Variants in CNTN6 observed in about 807,000 individuals in gnomAD.
CNTN6 encodes the protein contactin-6.
CNTN6 carries 137 observed loss-of-function variants against 122.8 expected under a neutral mutation model. The ratio of observed to expected loss-of-function variants is 1.12; its 90% CI spans 0.97 to 1.29. CNTN6 has a LOEUF of 1.29. CNTN6 is among the 50% of genes most tolerant of loss of function. The pLI is 0.00. For missense variants in CNTN6, 1,634 were observed against 1,223.4 expected (o/e 1.34, Z -5.01); for synonymous variants, 570 against 426.0 (o/e 1.34, Z -4.16).
intron 16 of CNTN6, among the ~76,000 whole-genome samples, chr3:1,374,602 G>T (rs1575935208): frequency 6.6e-6 from 1 of 151,998 alleles, no homozygotes; most frequent in Admixed American, 6.6e-5. Context: ...ACAGCAGAAC[G>T]CAAGAACCTG....
chr3:1,201,239 CTGGGATTACAGGAG>C, intron 2 of CNTN6, among the ~76,000 whole-genome samples: 1 of 152,082 alleles, frequency 6.6e-6, no homozygotes, highest in Non-Finnish European at 1.5e-5. Flanking sequence ...TCCCAAAGTG[CTGGGATTACAGGAG>C]TAAGCCGCCA....
intron 4 of CNTN6, among the ~76,000 whole-genome samples, chr3:1,264,146 T>G (rs1160230822): frequency 6.6e-6 from 1 of 152,058 alleles, no homozygotes; most frequent in Non-Finnish European, 1.5e-5. Flanking sequence ...CTATTTAAAG[T>G]CATCTTTATT....
chr3:1,257,182 C>G (rs1242059536), intron 4 of CNTN6, among the ~76,000 whole-genome samples: 1 of 151,968 alleles, frequency 6.6e-6, no homozygotes, highest in Non-Finnish European at 1.5e-5. Context: ...TGTAAATTTC[C>G]TAAATTGGGT....
At chr3:1,360,602 ATT>A (rs111539311) in intron 12 of CNTN6, among the ~76,000 whole-genome samples, 1 of 151,246 alleles carries the variant, frequency 6.6e-6, no homozygotes, top group Admixed American at 6.6e-5. Context: ...GTATACACGT[ATT>A]TTTTTTCTTT....
chr3:1,206,141 A>T (rs956302467), intron 2 of CNTN6, among the ~76,000 whole-genome samples: 1 of 152,084 alleles, frequency 6.6e-6, no homozygotes, highest in African/African-American at 2.4e-5. Flanking sequence ...AAATTTTCGC[A>T]AGTTTTCCTG....
At chr3:1,342,047 A>G (rs1421097413) in intron 11 of CNTN6, among the ~76,000 whole-genome samples, 3 of 152,136 alleles carry the variant, frequency 2.0e-5, no homozygotes, top group African/African-American at 7.2e-5. Context: ...GCTATTTAAT[A>G]GTTAAAAATA....
At position 1,388,291 on chromosome 3, in the gene CNTN6, A is replaced by G. The variant is rs564849670; in HGVS notation, c.2704+2494A>G. Among the ~76,000 whole-genome samples, 1,350 of 147,956 alleles carry G rather than the reference A, an allele frequency of 9.1e-3. 20 individuals are homozygous for G. The highest frequency in any genetic ancestry group is 0.032 in the African/African-American group (1,281 of 40,108). Reference sequence around the variant, plus strand: ...GCAGCCTAACTGGGAGGCACCCCCCAGCAGGGGCACACTGACACCTCACAC... The same window carrying G: ...GCAGCCTAACTGGGAGGCACCCCCCGGCAGGGGCACACTGACACCTCACAC... On this transcript the variant is annotated intron_variant, in intron 20 of 22. Transcript: ENST00000446702.
intron 2 of CNTN6, among the ~76,000 whole-genome samples, chr3:1,149,038 A>C (rs887537184): frequency 1.3e-5 from 2 of 152,198 alleles, no homozygotes; most frequent in African/African-American, 4.8e-5. Flanking sequence ...AAGTCACAAG[A>C]CAAGTTCAGC....
chr3:1,193,050 G>A (rs1441335239), intron 2 of CNTN6, among the ~76,000 whole-genome samples: 1 of 152,146 alleles, frequency 6.6e-6, no homozygotes, highest in Non-Finnish European at 1.5e-5. Context: ...ACATTAGTAT[G>A]TTACATGTAC....
intron 7 of CNTN6, among the ~76,000 whole-genome samples, chr3:1,307,471 AC>A (rs200885388): frequency 3.4e-5 from 5 of 148,590 alleles, no homozygotes; most frequent in Non-Finnish European, 7.4e-5. Flanking sequence ...GTCCAATATA[AC>A]CCCCCCACAC....
intron 19 of CNTN6, among the ~76,000 whole-genome samples, chr3:1,385,358 T>A (rs886130097): frequency 2.7e-5 from 4 of 146,536 alleles, no homozygotes; most frequent in Non-Finnish European, 5.9e-5. Context: ...ATAAAATACT[T>A]TATTTTGGTA....
intron 12 of CNTN6, among the ~76,000 whole-genome samples, chr3:1,356,130 C>T (rs1405702020): frequency 1.3e-5 from 2 of 151,874 alleles, no homozygotes; most frequent in East Asian, 1.9e-4. Flanking sequence ...TGTGTACATA[C>T]ACTAAGAGGT....
chr3:1,097,307 C>T (rs2090581610), intron 1 of CNTN6, among the ~76,000 whole-genome samples: 1 of 152,172 alleles, frequency 6.6e-6, no homozygotes, highest in African/African-American at 2.4e-5. Flanking sequence ...GAATCAAAAT[C>T]TGTAGACTCA....
At chr3:1,253,503 T>C (rs561440631) in intron 4 of CNTN6, among the ~76,000 whole-genome samples, 1 of 152,308 alleles carries the variant, frequency 6.6e-6, no homozygotes, top group Admixed American at 6.5e-5. Flanking sequence ...TATAAATTGG[T>C]TAAGCAGTCA....
At chr3:1,135,148 A>T in intron 1 of CNTN6, among the ~76,000 whole-genome samples, 1 of 152,218 alleles carries the variant, frequency 6.6e-6, no homozygotes, top group Non-Finnish European at 1.5e-5. Flanking sequence ...TAAGATACTG[A>T]GATGAAATAA....
chr3:1,192,939 G>T (rs1310185670), intron 2 of CNTN6, among the ~76,000 whole-genome samples: 2 of 152,108 alleles, frequency 1.3e-5, no homozygotes, highest in Non-Finnish European at 2.9e-5. Context: ...ATGTGTGCAA[G>T]AGGCTAAGTG....
At chr3:1,359,573 A>T (rs1408899935) in intron 12 of CNTN6, among the ~76,000 whole-genome samples, 1 of 152,088 alleles carries the variant, frequency 6.6e-6, no homozygotes, top group Non-Finnish European at 1.5e-5. Context: ...TACTTTATGC[A>T]TTGAAATTAA....
At chr3:1,133,060 C>A (rs1046659084) in intron 1 of CNTN6, among the ~76,000 whole-genome samples, 1 of 152,062 alleles carries the variant, frequency 6.6e-6, no homozygotes, top group Non-Finnish European at 1.5e-5. Context: ...AGGACACATA[C>A]ACAAGATCCT....
At chr3:1,345,692 A>G (rs557442156) in intron 11 of CNTN6, among the ~76,000 whole-genome samples, 4 of 152,296 alleles carry the variant, frequency 2.6e-5, no homozygotes, top group African/African-American at 9.6e-5. Context: ...TTACCACAAT[A>G]TCAGTATTTG....
Sources: gnomAD v4.1 joint callset for allele counts (sites outside exome capture counted in the v4.1 genomes callset) on GRCh38, gnomAD v4.1.1 for gene constraint, MANE v1.5 for transcripts, NCBI Gene and HGNC (gene_info 2026-07-23, HGNC 2026-07-21) for gene names.